The following IMPA2 variants were observed in gnomAD, a reference collection of about 807,000 sequenced individuals.
The protein encoded by IMPA2 is inositol monophosphatase 2.
IMPA2 carries 32 observed loss-of-function variants against 35.1 expected under a neutral mutation model. The observed-to-expected ratio is 0.91, with a 90% confidence interval of 0.69 to 1.23. The LOEUF is 1.23. Among genes scored for constraint, IMPA2 ranks in the 50% most tolerant of loss-of-function variants. The pLI is 0.00. For missense variants in IMPA2, 334 were observed against 387.6 expected (o/e 0.86, Z 1.16); for synonymous variants, 135 against 160.6 (o/e 0.84, Z 1.20).
At chr18:11,984,758 G>A (rs1246016130) in intron 1 of IMPA2, among the ~76,000 whole-genome samples, 1 of 152,104 alleles carries the variant, frequency 6.6e-6, no homozygotes, top group African/African-American at 2.4e-5. Flanking sequence ...ACAAGGTCAG[G>A]AGATCAAGAC....
chr18:12,029,068 G>C, intron 7 of IMPA2, 75 bp downstream of exon 7: 1 of 1,144,154 alleles, frequency 8.7e-7, no homozygotes, highest in Non-Finnish European at 1.2e-6. Flanking sequence ...ACTTCCTGAA[G>C]TCCCCACCAA....
chr18:12,010,063 A>G lies in IMPA2; in HGVS notation c.335+76A>G, dbSNP rs1907392322. 8.7e-7 allele frequency: 1 copy of G among 1,144,150 alleles called. No individual in the cohort carries two copies. 70.9% of individuals were successfully genotyped at this position (1,144,150 alleles called of 1,614,324 possible). A position where few individuals can be genotyped will look rare whatever the true frequency, so the allele number is the denominator to read the frequency against. On this transcript the variant is annotated intron_variant, in intron 3 of 7. Transcript: ENST00000269159. This position sits in a 1 kb window ranked among gnomAD's most constrained non-coding sequence, Gnocchi z 4.8. ...TGTGAGGTTTTGTCTTTTCAAAAGC[A>G]GCATTTTTTAAGGCAGGAATATATA...
At chr18:11,997,961 A>T (rs1414500387) in intron 1 of IMPA2, among the ~76,000 whole-genome samples, 1 of 152,076 alleles carries the variant, frequency 6.6e-6, no homozygotes, top group Non-Finnish European at 1.5e-5. Flanking sequence ...TGAGCCCAGG[A>T]GTTTGAGATC....
Position 12,030,517 on chromosome 18 carries a change from A to T in IMPA2, c.*59A>T, listed in dbSNP as rs1173259445. 1.4e-6 allele frequency: 2 copies of T among 1,429,658 alleles called. No homozygotes were observed. The highest frequency in any genetic ancestry group is 2.8e-5 in the African/African-American group (2 of 71,216). 88.6% of individuals were successfully genotyped at this position (1,429,658 alleles called of 1,614,324 possible). A position where few individuals can be genotyped will look rare whatever the true frequency, so the allele number is the denominator to read the frequency against. On this transcript the variant is annotated 3_prime_UTR_variant, in exon 8 of 8. Coordinates refer to ENST00000269159, the MANE Select transcript of IMPA2 (RefSeq NM_014214.3). ...CCTGGGCTGCTGTGGGCTCCTGGGGAGGTGGCCCTCGTGGCCCACGCTCCA... is the reference window on the plus strand; with the variant it reads ...CCTGGGCTGCTGTGGGCTCCTGGGGTGGTGGCCCTCGTGGCCCACGCTCCA...
chr18:11,989,889 A>C (rs917567158), intron 1 of IMPA2, among the ~76,000 whole-genome samples: 3 of 152,092 alleles, frequency 2.0e-5, no homozygotes, highest in Non-Finnish European at 4.4e-5. Flanking sequence ...CAGCCAGAGG[A>C]TGGAGAGGCT....
At chr18:12,021,317 A>G (rs1907722643) in intron 5 of IMPA2, among the ~76,000 whole-genome samples, 1 of 152,150 alleles carries the variant, frequency 6.6e-6, no homozygotes, top group South Asian at 2.1e-4. Flanking sequence ...AAGGTAACAG[A>G]AGTTCAAGGT....
rs756516014 is a variant in IMPA2, at chr18:12,010,728, C to T, written c.335+741C>T. Among the ~76,000 whole-genome samples, 5 of 152,304 alleles carry T rather than the reference C, an allele frequency of 3.3e-5. No individual in the cohort carries two copies. The highest frequency in any genetic ancestry group is 1.9e-4 in the East Asian group (1 of 5,166). On this transcript the variant is annotated intron_variant, in intron 3 of 7. Coordinates refer to ENST00000269159, the MANE Select transcript of IMPA2 (RefSeq NM_014214.3). The surrounding 1 kb of genome is among the most constrained non-coding windows in gnomAD (Gnocchi z 4.8). Reference sequence around the variant, plus strand: ...TTGCAGCTCCTGCGCTCACAGTGCACGCCAGCACACTAGGCTGCACGCGCT... The same window carrying T: ...TTGCAGCTCCTGCGCTCACAGTGCATGCCAGCACACTAGGCTGCACGCGCT...
chr18:11,988,953 C>T (rs1038084889), intron 1 of IMPA2, among the ~76,000 whole-genome samples: 4 of 152,178 alleles, frequency 2.6e-5, no homozygotes, highest in African/African-American at 9.7e-5. Context: ...TCCTGAGTAG[C>T]TGGGACTACA....
At chr18:12,020,483 G>A (rs2143818718) in intron 5 of IMPA2, among the ~76,000 whole-genome samples, 1 of 152,318 alleles carries the variant, frequency 6.6e-6, no homozygotes, top group East Asian at 1.9e-4. Context: ...ATGAGCCACT[G>A]TGACTGGCCT....
In IMPA2 at chr18:11,998,675, T is replaced by G. The variant is rs1410460429; in HGVS notation, c.97-379T>G. Among the ~76,000 whole-genome samples, 7 of 152,360 alleles carry G rather than the reference T, an allele frequency of 4.6e-5. No individual in the cohort carries two copies. In the East Asian group the frequency reaches 1.2e-3, roughly 25 times the overall value. ...ACATGATCTTGTTTTGGGCCGTTCTTACAGAGGAAGTTTCATGCTCTTTTC... is the reference window on the plus strand; with the variant it reads ...ACATGATCTTGTTTTGGGCCGTTCTGACAGAGGAAGTTTCATGCTCTTTTC... On this transcript the variant is annotated intron_variant, in intron 1 of 7. Coordinates refer to ENST00000269159, the MANE Select transcript of IMPA2 (RefSeq NM_014214.3).
intron 2 of IMPA2, chr18:12,008,355 A>G: frequency 1.9e-6 from 1 of 518,956 alleles, no homozygotes; most frequent in Non-Finnish European, 3.8e-6. Context: ...TCTAGTACAC[A>G]TGTGAACCCG....
chr18:12,018,680 C>T (rs1349659185), intron 5 of IMPA2, among the ~76,000 whole-genome samples: 3 of 151,872 alleles, frequency 2.0e-5, no homozygotes, highest in African/African-American at 2.4e-5. Flanking sequence ...TCATATTTTC[C>T]AAAATAAGAA....
chr18:11,992,150 T>C (rs1305925682), intron 1 of IMPA2, among the ~76,000 whole-genome samples: 1 of 152,236 alleles, frequency 6.6e-6, no homozygotes, highest in African/African-American at 2.4e-5. Context: ...CCCAGAACAA[T>C]GTCTGACCAA....
Position 12,030,649 on chromosome 18 carries a change from T to G in IMPA2, c.*191T>G. 1.7e-6 allele frequency: 1 copy of G among 583,334 alleles called. No individual in the cohort carries two copies. The highest frequency in any genetic ancestry group is 2.1e-5 in the South Asian group (1 of 48,498). 36.1% of individuals were successfully genotyped at this position (583,334 alleles called of 1,614,324 possible). A position where few individuals can be genotyped will look rare whatever the true frequency, so the allele number is the denominator to read the frequency against. On this transcript the variant is annotated 3_prime_UTR_variant, in exon 8 of 8. Transcript: ENST00000269159. Reference sequence around the variant, plus strand: ...GTCTCTCTCACCAGGATTTGGTGTTTAGCTGTTTCTCTCTTTAATCTCACG... The same window carrying G: ...GTCTCTCTCACCAGGATTTGGTGTTGAGCTGTTTCTCTCTTTAATCTCACG...
rs1482335412 is a variant in IMPA2 at position 11,981,711 on chromosome 18, C to T, written c.42C>T (p.Gly14=). 3 of 1,230,334 alleles carry T rather than the reference C, an allele frequency of 2.4e-6. No individual in the cohort carries two copies. The highest frequency in any genetic ancestry group is 3.0e-6 in the Non-Finnish European group (3 of 986,976). 76.2% of individuals were successfully genotyped at this position (1,230,334 alleles called of 1,614,324 possible). ...SGEDQAALAA[G]PWEECFQAAV... The stretch of plus-strand genomic sequence containing the variant: ...AGGACCAGGCGGCGCTGGCGGCCGG[C>T]CCCTGGGAGGAGTGCTTCCAGGCGG... Residue 14 remains glycine (G), a synonymous_variant, in exon 1 of 8, where the codon GGC becomes GGT. Coordinates refer to ENST00000269159, the MANE Select transcript of IMPA2 (RefSeq NM_014214.3).
intron 7 of IMPA2, among the ~76,000 whole-genome samples, chr18:12,030,104 C>T (rs576865830): frequency 2.6e-5 from 4 of 152,344 alleles, no homozygotes; most frequent in East Asian, 1.9e-4. Flanking sequence ...GCTTCAGAGC[C>T]GCACTCTGTT....
At chr18:12,008,321 T>A (rs540749600) in intron 2 of IMPA2, 1 of 518,712 alleles carries the variant, frequency 1.9e-6, no homozygotes, top group Non-Finnish European at 3.8e-6. Flanking sequence ...TTCTTTTTCT[T>A]ACTCTCTGCA....
Position 12,028,890 on chromosome 18 carries a change from AG to A in IMPA2, c.652del (p.Ala218ProfsTer29). 1.2e-6 allele frequency: 2 copies of A among 1,614,092 alleles called. No homozygotes were observed. Among genetic ancestry groups the A allele is most frequent in the Non-Finnish European group, 1.7e-6 (2 of 1,179,998 alleles). ...CATTGGCACTCTGCCACCTGGCCTC[AG>A]GGGCCGCGGATGCCTATTACCAGTT... ...STLALCHLAS[G>X]AADAYYQFGL... On this transcript the variant is annotated frameshift_variant, in exon 7 of 8. Transcript: ENST00000269159. LOFTEE classifies it high-confidence loss of function.
chr18:12,004,426 GC>G (rs1263354774), intron 2 of IMPA2, among the ~76,000 whole-genome samples: 3 of 152,104 alleles, frequency 2.0e-5, no homozygotes, highest in African/African-American at 7.2e-5. Flanking sequence ...CAAACTTTTA[GC>G]CTTAATCCAG....
Sources: allele counts gnomAD v4.1 joint callset (sites outside exome capture counted in the v4.1 genomes callset), GRCh38; gene constraint gnomAD v4.1.1; non-coding constraint Gnocchi (gnomAD v3.1); transcripts MANE v1.5; gene names NCBI Gene and HGNC (gene_info 2026-07-23, HGNC 2026-07-21).